Variants in KSR1 observed in about 807,000 individuals in gnomAD.
The protein encoded by KSR1 is kinase suppressor of ras 1.
In KSR1, 35 loss-of-function variants were observed where a neutral mutation model predicts 92.9. The ratio of observed to expected loss-of-function variants is 0.38; its 90% confidence interval spans 0.29 to 0.50. The LOEUF (loss-of-function observed/expected upper bound fraction) is 0.50. Ranked by LOEUF, KSR1 falls within the 20% of genes least tolerant of loss-of-function variation. The pLI, the probability that KSR1 is intolerant of heterozygous loss-of-function variation, is 0.94. For synonymous variants in KSR1, 467 were observed against 472.6 expected, an observed-to-expected ratio of 0.99 and a Z score of 0.15; for missense variants, 972 against 1,158.5, an observed-to-expected ratio of 0.84 and a Z score of 2.34.
intron 18 of KSR1, among the ~76,000 whole-genome samples, chr17:27,613,665 C>T (rs2073981956): frequency 1.3e-5 from 2 of 152,206 alleles, no homozygotes; most frequent in African/African-American, 2.4e-5. Context: ...TGGAGGTTCT[C>T]CAGGGACCCT....
chr17:27,621,895 G>A, intron 20 of KSR1: 1 of 1,612,846 alleles, frequency 6.2e-7, no homozygotes, highest in South Asian at 1.1e-5. Context: ...TGATTCTGAT[G>A]CTGTTCTTTG....
intron 1 of KSR1, among the ~76,000 whole-genome samples, chr17:27,501,945 G>A (rs920977195): frequency 3.3e-5 from 5 of 152,248 alleles, no homozygotes; most frequent in Non-Finnish European, 7.3e-5. Flanking sequence ...TGCTGTAGCA[G>A]AGCATGCAGA....
chr17:27,527,095 G>T, intron 1 of KSR1: 1 of 404,058 alleles, frequency 2.5e-6, no homozygotes, highest in South Asian at 2.7e-5. Flanking sequence ...ATTGCTTAAG[G>T]GCAATAGTTC....
At chr17:27,531,042 G>A (rs1018232157) in intron 1 of KSR1, among the ~76,000 whole-genome samples, 4 of 152,180 alleles carry the variant, frequency 2.6e-5, no homozygotes, top group Admixed American at 6.5e-5. Flanking sequence ...AAACAATGTC[G>A]GGATGGACAA....
intron 1 of KSR1, among the ~76,000 whole-genome samples, chr17:27,527,764 C>T (rs1413922270): frequency 6.6e-6 from 1 of 152,146 alleles, no homozygotes; most frequent in Admixed American, 6.5e-5. Flanking sequence ...TGGGCTTTCA[C>T]CAAATGTTTT....
chr17:27,615,003 C>T (rs1351209612), intron 18 of KSR1, among the ~76,000 whole-genome samples: 1 of 152,214 alleles, frequency 6.6e-6, no homozygotes, highest in East Asian at 1.9e-4. Context: ...AGTTCACCAC[C>T]AGGCACTGCT....
At chr17:27,600,182 C>T (rs549423415) in intron 10 of KSR1, among the ~76,000 whole-genome samples, 1 of 143,442 alleles carries the variant, frequency 7.0e-6, no homozygotes, top group South Asian at 2.2e-4. Context: ...CGCCTGTAAT[C>T]CCAGCACTTT....
chr17:27,516,593 C>T (rs1325890004), intron 1 of KSR1, among the ~76,000 whole-genome samples: 1 of 150,874 alleles, frequency 6.6e-6, no homozygotes, highest in Non-Finnish European at 1.5e-5. Context: ...AATATATGTT[C>T]CTTGTAGAAA....
chr17:27,526,804 C>T (rs1312345445), intron 1 of KSR1: 13 of 1,008,600 alleles, frequency 1.3e-5, no homozygotes, highest in South Asian at 7.6e-5. Flanking sequence ...ATTCTTGGGC[C>T]GTGGCGTGGT....
chr17:27,524,975 T>C (rs2070202383), intron 1 of KSR1, among the ~76,000 whole-genome samples: 1 of 152,222 alleles, frequency 6.6e-6, no homozygotes, highest in Admixed American at 6.5e-5. Context: ...AAAAATCTTA[T>C]GCCCATGAAG....
rs1288515250 is a variant in KSR1 at position 27,477,099 on chromosome 17, TAA to T, written c.231+20227_231+20228del. Among the ~76,000 whole-genome samples the T allele has an allele frequency of 1.3e-4, 20 of 152,198 alleles. 1 individual carries two copies. The highest frequency in any genetic ancestry group is 4.4e-5 in the Non-Finnish European group (3 of 68,036). On this transcript the variant is annotated intron_variant, in intron 1 of 20. Transcript: ENST00000644974. ...CTTCTTGACATTGCCATGGTATATGTAAAGTGTCATGGCGCTGGTGGGAGTGT... is the reference window on the plus strand; with the variant it reads ...CTTCTTGACATTGCCATGGTATATGTAGTGTCATGGCGCTGGTGGGAGTGT...
chr17:27,523,175 T>G (rs1300184393), intron 1 of KSR1, among the ~76,000 whole-genome samples: 2 of 152,186 alleles, frequency 1.3e-5, no homozygotes, highest in African/African-American at 4.8e-5. Flanking sequence ...GAAATAGATG[T>G]ACATTGTAAC....
In KSR1 at chr17:27,577,614, C is replaced by T. The variant is rs770260178; in HGVS notation, c.495C>T (p.Thr165=). The T allele has an allele frequency of 2.5e-6, 4 of 1,588,742 alleles. No individual in the cohort carries two copies. Among genetic ancestry groups the T allele is most frequent in the South Asian group, 2.3e-5 (2 of 87,598 alleles). The change falls in exon 3 of 21, where the codon ACC becomes ACT. Residue 165 remains threonine, a synonymous_variant. Coordinates refer to ENST00000644974, the MANE Select transcript of KSR1 (RefSeq NM_001394583.1). The surrounding 1 kb of genome is among the most constrained non-coding windows in gnomAD (Gnocchi z 4.5). The stretch of plus-strand genomic sequence containing the variant: ...GTGGCCGTCTGCAGTATGCCCTCAC[C>T]TGCCTGCGGAAGGTGACAGGCCTGG... ...DECGRLQYAL[T]CLRKVTGLGG... is the part of the protein sequence containing the mutation.
intron 15 of KSR1, 86 bp from the exon 16 acceptor site, chr17:27,609,110 A>G (rs946792624): frequency 7.0e-7 from 1 of 1,430,554 alleles, no homozygotes; most frequent in African/African-American, 1.4e-5. Flanking sequence ...TGAAGATCAA[A>G]TATGGGGATT....
In KSR1 at chr17:27,577,130, G is replaced by A. The variant is rs1190515604; in HGVS notation, c.373-362G>A. Among the ~76,000 whole-genome samples, 2 of 151,878 alleles carry A rather than the reference G, an allele frequency of 1.3e-5. No individual in the cohort carries two copies. The highest frequency in any genetic ancestry group is 2.9e-5 in the Non-Finnish European group (2 of 67,994). On this transcript the variant is annotated intron_variant, in intron 2 of 20. Transcript: ENST00000644974. The surrounding 1 kb of genome is among the most constrained non-coding windows in gnomAD (Gnocchi z 4.5). ...TCTGATTCAGATACAACAAAATTGT[G>A]AAGGGCCATCTTTGTCTGAAGTACT...
rs374860931 is a variant in KSR1 at position 27,616,068 on chromosome 17, A to G, written c.2494-1227A>G. On this transcript the variant is annotated intron_variant, in intron 18 of 20. Transcript: ENST00000644974. Reference sequence around the variant, plus strand: ...CCTGCTATAGTGAAATTTCATAAACATATATCTGAGGGTAGAGTTTTTTTG... The same window carrying G: ...CCTGCTATAGTGAAATTTCATAAACGTATATCTGAGGGTAGAGTTTTTTTG... Among the ~76,000 whole-genome samples the G allele has an allele frequency of 1.2e-4, 18 of 152,338 alleles. No homozygotes were observed. In the East Asian group the frequency reaches 1.3e-3, roughly 11 times the overall value.
chr17:27,556,102 A>G (rs1422831495), intron 2 of KSR1, among the ~76,000 whole-genome samples: 1 of 152,220 alleles, frequency 6.6e-6, no homozygotes, highest in Non-Finnish European at 1.5e-5. Flanking sequence ...GCACCTGTGT[A>G]TTTCTACAGG....
chr17:27,623,604 G>C lies in KSR1; in HGVS notation c.*212G>C. 1.6e-6 allele frequency: 1 copy of C among 626,196 alleles called. No individual in the cohort carries two copies. Among genetic ancestry groups the C allele is most frequent in the South Asian group, 1.9e-5 (1 of 53,952 alleles). 38.8% of individuals were successfully genotyped at this position (626,196 alleles called of 1,614,324 possible). A position where few individuals can be genotyped will look rare whatever the true frequency, so the allele number is the denominator to read the frequency against. On this transcript the variant is annotated 3_prime_UTR_variant, in exon 21 of 21. Coordinates refer to ENST00000644974, the MANE Select transcript of KSR1 (RefSeq NM_001394583.1). The stretch of plus-strand genomic sequence containing the variant: ...AATGACACCACCAACAACCAAACCT[G>C]TCATGACAGACAGCAAATGTTTACA...
intron 18 of KSR1, among the ~76,000 whole-genome samples, chr17:27,613,689 C>T (rs1326850190): frequency 2.0e-5 from 3 of 152,232 alleles, no homozygotes; most frequent in African/African-American, 4.8e-5. Flanking sequence ...TTATCTGCCT[C>T]CTGCAACTGT....
Sources: allele counts gnomAD v4.1 joint callset (sites outside exome capture counted in the v4.1 genomes callset), GRCh38; gene constraint gnomAD v4.1.1; non-coding constraint Gnocchi (gnomAD v3.1); transcripts MANE v1.5; gene names NCBI Gene and HGNC (gene_info 2026-07-23, HGNC 2026-07-21).